The following MTREX variants were observed in gnomAD, a reference collection of about 807,000 sequenced individuals.
The protein encoded by MTREX is Mtr4 exosome RNA helicase.
In MTREX, 76 loss-of-function variants were observed where a neutral mutation model predicts 135.4. The observed-to-expected ratio is 0.56, with a 90% CI of 0.47 to 0.68. The LOEUF (loss-of-function observed/expected upper bound fraction) is 0.68. Ranked by LOEUF, MTREX falls within the 30% of genes least tolerant of loss-of-function variation. The pLI is 0.00. For synonymous variants in MTREX, 404 were observed against 401.6 expected (o/e 1.01, Z -0.07); for missense variants, 920 against 1,262.1 (o/e 0.73, Z 4.11).
At chr5:55,378,258 T>A in intron 16 of MTREX, 56 bp from the exon 17 acceptor site, 1 of 1,492,944 alleles carries the variant, frequency 6.7e-7, no homozygotes, top group Non-Finnish European at 8.9e-7. Context: ...ATGTCTTGGG[T>A]ATAATTTAAA....
intron 1 of MTREX, among the ~76,000 whole-genome samples, chr5:55,320,865 C>T (rs985058067): frequency 1.6e-4 from 25 of 152,218 alleles, no homozygotes; most frequent in African/African-American, 5.5e-4. Context: ...TATTAAAATA[C>T]CCTGTCCTTT....
At position 55,423,128 on chromosome 5, in the gene MTREX, T is replaced by C. The variant is rs1751081408; in HGVS notation, c.3076+146T>C. The C allele has an allele frequency of 1.4e-5, 9 of 624,372 alleles. No individual in the cohort carries two copies. In the South Asian group the frequency reaches 1.9e-4, roughly 13 times the overall value. The allele number at this position is 624,372 out of a possible 1,614,324, so 38.7% of individuals were successfully genotyped here. On this transcript the variant is annotated intron_variant, in intron 26 of 26. Transcript: ENST00000230640. ...GCTATCTACTAGTGTTTCTATAAAA[T>C]TTAGTGTGTTGGGGGAAAAGTTGAG...
chr5:55,347,804 A>T (rs1482924068), intron 11 of MTREX, among the ~76,000 whole-genome samples: 1 of 152,202 alleles, frequency 6.6e-6, no homozygotes, highest in East Asian at 1.9e-4. Flanking sequence ...TAATGGACTC[A>T]CAGTTCCACG....
Position 55,350,993 on chromosome 5 carries a change from A to G in MTREX, c.1395A>G (p.Glu465=). Residue 465 remains glutamate, a synonymous_variant, in exon 13 of 27, where the codon GAA becomes GAG. Coordinates refer to ENST00000230640, the MANE Select transcript of MTREX (RefSeq NM_015360.5). ...HHGGLLPILK[E]TIEILFSEGL... is the part of the protein sequence containing the mutation. ...GTGGTTTACTTCCTATTTTGAAAGA[A>G]ACTATAGAAATTCTCTTTTCTGAAG... 3 of 1,605,886 alleles carry G rather than the reference A, an allele frequency of 1.9e-6. No individual in the cohort carries two copies. Among genetic ancestry groups the G allele is most frequent in the Non-Finnish European group, 2.5e-6 (3 of 1,178,086 alleles).
chr5:55,321,553 G>T (rs1427264340), intron 1 of MTREX, among the ~76,000 whole-genome samples: 3 of 150,362 alleles, frequency 2.0e-5, no homozygotes, highest in African/African-American at 7.3e-5. Flanking sequence ...GTATGATGAG[G>T]TAAAGGTCAG....
intron 1 of MTREX, among the ~76,000 whole-genome samples, chr5:55,313,071 A>G (rs1305979356): frequency 6.6e-6 from 1 of 152,186 alleles, no homozygotes; most frequent in Non-Finnish European, 1.5e-5. Flanking sequence ...TTTCCAGTAC[A>G]ATTAACATCA....
intron 24 of MTREX, among the ~76,000 whole-genome samples, chr5:55,414,703 G>A (rs1411233530): frequency 1.3e-5 from 2 of 152,154 alleles, no homozygotes; most frequent in African/African-American, 4.8e-5. Context: ...GGCCTGGAGT[G>A]CAGTGGCGTG....
At chr5:55,345,050 A>G in intron 9 of MTREX, 44 bp from the exon 10 acceptor site, 3 of 1,129,024 alleles carry the variant, frequency 2.7e-6, no homozygotes, top group African/African-American at 1.6e-5. Context: ...TTGAATTATG[A>G]TTAAGTATTA....
Position 55,358,909 on chromosome 5 carries a change from A to C in MTREX, c.1659+211A>C, listed in dbSNP as rs147700934. 2.1e-3 allele frequency among the ~76,000 whole-genome samples: 324 copies of C among 152,318 alleles called. 2 individuals are homozygous for C. Among genetic ancestry groups the C allele is most frequent in the African/African-American group, 7.4e-3 (308 of 41,574 alleles). ...CTAATAGGTGGAGAGCAACTCATGT[A>C]ATGGATAGGGTGTGAAGATCTCCAG... is the stretch of plus-strand genomic sequence containing the variant. On this transcript the variant is annotated intron_variant, in intron 15 of 26. Transcript: ENST00000230640.
intron 5 of MTREX, among the ~76,000 whole-genome samples, chr5:55,329,628 A>G (rs1265673220): frequency 1.3e-5 from 2 of 152,134 alleles, no homozygotes; most frequent in Non-Finnish European, 2.9e-5. Context: ...TAACTTTTGT[A>G]TGTCTGAAAA....
intron 14 of MTREX, among the ~76,000 whole-genome samples, chr5:55,353,635 CA>C (rs1001697071): frequency 6.6e-6 from 1 of 152,122 alleles, no homozygotes; most frequent in African/African-American, 2.4e-5. Context: ...CCCAGGAGGT[CA>C]AGGCTCCAGT....
chr5:55,311,855 A>G (rs1749118528), intron 1 of MTREX, among the ~76,000 whole-genome samples: 1 of 152,166 alleles, frequency 6.6e-6, no homozygotes, highest in Admixed American at 6.5e-5. Flanking sequence ...GTTTCTTTTT[A>G]CCTTTTTAAA....
chr5:55,378,731 A>G (rs1359264037), intron 17 of MTREX, among the ~76,000 whole-genome samples: 1 of 152,210 alleles, frequency 6.6e-6, no homozygotes, highest in Admixed American at 6.5e-5. Context: ...TGGAATTAAC[A>G]TATAAAATAT....
chr5:55,395,628 G>T (rs1484147424), intron 19 of MTREX, among the ~76,000 whole-genome samples: 1 of 152,014 alleles, frequency 6.6e-6, no homozygotes, highest in African/African-American at 2.4e-5. Flanking sequence ...AAAGAATCCT[G>T]CAGATAGCAC....
chr5:55,347,958 G>C (rs1326923207), intron 11 of MTREX, among the ~76,000 whole-genome samples: 1 of 152,124 alleles, frequency 6.6e-6, no homozygotes, highest in African/African-American at 2.4e-5. Flanking sequence ...CTTAGTCACT[G>C]TCACGAGAGC....
intron 5 of MTREX, among the ~76,000 whole-genome samples, chr5:55,336,666 A>G (rs931714254): frequency 6.6e-6 from 1 of 152,034 alleles, no homozygotes; most frequent in Admixed American, 6.6e-5. Context: ...TGGGTCCCAG[A>G]CCCCCTCATA....
chr5:55,324,044 A>G, intron 2 of MTREX, 88 bp from the exon 3 acceptor site: 1 of 920,794 alleles, frequency 1.1e-6, no homozygotes, highest in East Asian at 2.6e-5. Flanking sequence ...GGACAGTGTC[A>G]TTTTCCTTAA....
chr5:55,318,404 TGTG>T lies in MTREX; in HGVS notation c.135-3920_135-3918del, dbSNP rs1258890995. 2.6e-5 allele frequency among the ~76,000 whole-genome samples: 4 copies of T among 152,204 alleles called. No individual in the cohort carries two copies. The South Asian group carries it at 6.2e-4, about 24-fold the overall frequency. On this transcript the variant is annotated intron_variant, in intron 1 of 26. Transcript: ENST00000230640. Reference sequence around the variant, plus strand: ...TCAATGACAGATTGGATAAAGAAAATGTGGTACGTATACACCATGAAATATTAT... The same window carrying T: ...TCAATGACAGATTGGATAAAGAAAATGTACGTATACACCATGAAATATTAT...
chr5:55,418,393 G>A (rs993009328), intron 25 of MTREX, among the ~76,000 whole-genome samples: 5 of 146,872 alleles, frequency 3.4e-5, no homozygotes, highest in African/African-American at 1.3e-4. Flanking sequence ...TCACAGTATG[G>A]AAGATAAATC....
Sources: allele counts gnomAD v4.1 joint callset (sites outside exome capture counted in the v4.1 genomes callset), GRCh38; gene constraint gnomAD v4.1.1; transcripts MANE v1.5; gene names NCBI Gene and HGNC (gene_info 2026-07-23, HGNC 2026-07-21).